PPFIBP1: variants seen among roughly 807,000 people sequenced by gnomAD.
PPFIBP1 encodes the protein liprin-beta-1.
In PPFIBP1, 112 loss-of-function variants were observed where a neutral mutation model predicts 137.8. The ratio of observed to expected loss-of-function variants is 0.81; its 90% CI spans 0.70 to 0.95. PPFIBP1 has a LOEUF of 0.95. Ranked by LOEUF, PPFIBP1 falls within the 40% of genes least tolerant of loss-of-function variation. PPFIBP1 has a pLI of 0.00. For synonymous variants in PPFIBP1, 378 were observed against 417.3 expected (o/e 0.91, Z 1.15); for missense variants, 1,083 against 1,196.6 (o/e 0.91, Z 1.40).
At chr12:27,531,256 T>A (rs1482496444) in intron 1 of PPFIBP1, among the ~76,000 whole-genome samples, 1 of 152,144 alleles carries the variant, frequency 6.6e-6, no homozygotes, top group East Asian at 1.9e-4. Flanking sequence ...CTGATATATG[T>A]GCCATAGCAT....
chr12:27,679,803 A>T, intron 20 of PPFIBP1, 130 bp from the exon 21 acceptor site: 2 of 1,383,952 alleles, frequency 1.4e-6, no homozygotes, highest in East Asian at 2.3e-5. Context: ...GTTAAAGTTT[A>T]AATTTAAATG....
At chr12:27,632,866 T>C (rs2057358007) in intron 2 of PPFIBP1, among the ~76,000 whole-genome samples, 1 of 152,168 alleles carries the variant, frequency 6.6e-6, no homozygotes, top group African/African-American at 2.4e-5. Flanking sequence ...TGTGTGTGTT[T>C]GTGTGTGTGT....
chr12:27,639,395 G>A (rs1438281887), intron 4 of PPFIBP1, among the ~76,000 whole-genome samples: 1 of 152,210 alleles, frequency 6.6e-6, no homozygotes. Flanking sequence ...AGTTAAGCAA[G>A]TAGTTACTTA....
At chr12:27,556,417 A>C (rs1001538342) in intron 1 of PPFIBP1, among the ~76,000 whole-genome samples, 2 of 152,248 alleles carry the variant, frequency 1.3e-5, no homozygotes, top group Admixed American at 6.5e-5. Flanking sequence ...AACAGGAGCT[A>C]TCATGGTAAT....
At chr12:27,631,570 A>G (rs967763164) in intron 2 of PPFIBP1, among the ~76,000 whole-genome samples, 5 of 152,212 alleles carry the variant, frequency 3.3e-5, no homozygotes, top group East Asian at 1.9e-4. Context: ...TAACATTGTC[A>G]TCATATTTTT....
rs1164769050 is a variant in PPFIBP1, at chr12:27,624,986, C to T, written c.-35-8376C>T. Among the ~76,000 whole-genome samples, 8 of 152,196 alleles carry T rather than the reference C, an allele frequency of 5.3e-5. No individual in the cohort carries two copies. In the East Asian group the frequency reaches 1.5e-3, roughly 29 times the overall value. ...AATATATAAAAATATAGATAGGATA[C>T]CCAACTGGGTGCAGTGGCTCACACC... On this transcript the variant is annotated intron_variant, in intron 2 of 29. Coordinates refer to ENST00000228425, the MANE Select transcript of PPFIBP1 (RefSeq NM_003622.4).
intron 2 of PPFIBP1, among the ~76,000 whole-genome samples, chr12:27,586,942 A>C (rs2051831419): frequency 6.6e-6 from 1 of 152,248 alleles, no homozygotes; most frequent in African/African-American, 2.4e-5. Context: ...GGTAGAAATC[A>C]GATATTCAGG....
intron 2 of PPFIBP1, among the ~76,000 whole-genome samples, chr12:27,609,764 C>A (rs1186063958): frequency 3.9e-5 from 6 of 152,176 alleles, no homozygotes; most frequent in Admixed American, 3.9e-4. Context: ...TCTCTACACT[C>A]CAGTCCCACT....
intron 1 of PPFIBP1, among the ~76,000 whole-genome samples, chr12:27,530,458 C>A (rs1483448367): frequency 6.6e-6 from 1 of 152,126 alleles, no homozygotes; most frequent in East Asian, 1.9e-4. Context: ...CCATCCTCCA[C>A]CCCCATCAAT....
Position 27,620,916 on chromosome 12 carries a change from G to A in PPFIBP1, c.-35-12446G>A, listed in dbSNP as rs180915018. Among the ~76,000 whole-genome samples, 16 of 152,132 alleles carry A rather than the reference G, an allele frequency of 1.1e-4. No homozygotes were observed. The East Asian group carries it at 2.3e-3, about 22-fold the overall frequency. On this transcript the variant is annotated intron_variant, in intron 2 of 29. Transcript: ENST00000228425. ...TGTTTATTTTTTGTGGTTTCTTGCC[G>A]TTACAATGTATGCGCCATCAGAGCA...
At position 27,650,123 on chromosome 12, in the gene PPFIBP1, T is replaced by C. The variant is rs1158230843; in HGVS notation, c.585T>C (p.Asp195=). The C allele has an allele frequency of 4.4e-6, 7 of 1,607,096 alleles. No individual in the cohort carries two copies. Among genetic ancestry groups the C allele is most frequent in the Middle Eastern group, 1.7e-4 (1 of 6,042 alleles). Residue 195 remains aspartate (D), a synonymous_variant, in exon 7 of 30, where the codon GAT becomes GAC. Transcript: ENST00000228425. ...AVEKDRLDYE[D]KFRDTEGLIQ... is the part of the protein sequence containing the mutation. ...AGAAGGACAGATTGGATTATGAAGA[T>C]AAGTTCAGAGACACAGAGGTGAGTG... is the stretch of plus-strand genomic sequence containing the variant.
chr12:27,656,330 C>T (rs982472654), intron 8 of PPFIBP1, among the ~76,000 whole-genome samples: 2 of 152,144 alleles, frequency 1.3e-5, no homozygotes, highest in Non-Finnish European at 2.9e-5. Flanking sequence ...AAGATTTAAA[C>T]CTTAGGGCTA....
At chr12:27,679,126 T>C (rs1230875128) in intron 19 of PPFIBP1, among the ~76,000 whole-genome samples, 3 of 151,990 alleles carry the variant, frequency 2.0e-5, no homozygotes, top group East Asian at 1.9e-4. Context: ...AGGAGAGTGG[T>C]CATGTCAAGA....
At chr12:27,659,614 T>G (rs1413830849) in intron 10 of PPFIBP1, among the ~76,000 whole-genome samples, 3 of 151,426 alleles carry the variant, frequency 2.0e-5, no homozygotes, top group Non-Finnish European at 4.4e-5. Flanking sequence ...TGAGCTATGA[T>G]CTTGCCATTG....
chr12:27,653,854 T>TATA (rs1383762321), intron 7 of PPFIBP1, among the ~76,000 whole-genome samples: 1 of 152,228 alleles, frequency 6.6e-6, no homozygotes, highest in Non-Finnish European at 1.5e-5. Flanking sequence ...TGTTGTGTCA[T>TATA]ATAAACACTA....
chr12:27,653,007 T>A (rs1010947179), intron 7 of PPFIBP1, among the ~76,000 whole-genome samples: 1 of 152,188 alleles, frequency 6.6e-6, no homozygotes, highest in African/African-American at 2.4e-5. Context: ...GTGCCATTAT[T>A]AAGGTGTAAT....
intron 2 of PPFIBP1, among the ~76,000 whole-genome samples, chr12:27,621,687 G>A (rs777958590): frequency 9.9e-4 from 150 of 152,232 alleles, no homozygotes; most frequent in Non-Finnish European, 1.9e-3. Flanking sequence ...AGTTGGAATA[G>A]AAACCAACAG....
At chr12:27,690,714 C>T (rs1490233652) in intron 27 of PPFIBP1, among the ~76,000 whole-genome samples, 2 of 152,168 alleles carry the variant, frequency 1.3e-5, no homozygotes, top group African/African-American at 4.8e-5. Flanking sequence ...TGCAGTTGTT[C>T]TGTTTTTATA....
chr12:27,601,868 G>T (rs2137776687), intron 2 of PPFIBP1, among the ~76,000 whole-genome samples: 1 of 152,304 alleles, frequency 6.6e-6, no homozygotes, highest in South Asian at 2.1e-4. Flanking sequence ...TGTTCTGTAA[G>T]CTCCCAAACT....
Sources: allele counts gnomAD v4.1 joint callset (sites outside exome capture counted in the v4.1 genomes callset), GRCh38; gene constraint gnomAD v4.1.1; transcripts MANE v1.5; gene names NCBI Gene and HGNC (gene_info 2026-07-23, HGNC 2026-07-21).